Variants in ZBTB49 observed in about 807,000 individuals in gnomAD.
The protein encoded by ZBTB49 is zinc finger and BTB domain containing 49.
In ZBTB49, 43 loss-of-function variants were observed where a neutral mutation model predicts 57.5. The observed-to-expected ratio is 0.75, with a 90% CI of 0.59 to 0.97. ZBTB49 has a LOEUF of 0.97. ZBTB49 is among the 50% of genes least tolerant of loss of function. ZBTB49 has a pLI of 0.00. For missense variants in ZBTB49, 938 were observed against 947.7 expected (o/e 0.99, Z 0.13); for synonymous variants, 369 against 362.1 (o/e 1.02, Z -0.22).
In ZBTB49 at chr4:4,317,485, C is replaced by G. The variant is rs555026138; in HGVS notation, c.1621+1515C>G. ...GAAGCCTTATACCCATTAGCAACCC[C>G]CTTCCCAGCCCTGGCCCCTGGCTGC... On this transcript the variant is annotated intron_variant, in intron 7 of 7. Transcript: ENST00000337872. Among the ~76,000 whole-genome samples the G allele has an allele frequency of 7.2e-5, 11 of 152,138 alleles. No homozygotes were observed. The South Asian group carries it at 1.5e-3, about 20-fold the overall frequency.
chr4:4,307,585 T>G (rs1720793485), intron 4 of ZBTB49, among the ~76,000 whole-genome samples: 1 of 152,118 alleles, frequency 6.6e-6, no homozygotes, highest in South Asian at 2.1e-4. Context: ...TAGTAAGCGC[T>G]CAAGAAACGC....
chr4:4,313,152 A>C, intron 5 of ZBTB49, 38 bp downstream of exon 5: 1 of 1,611,078 alleles, frequency 6.2e-7, no homozygotes, highest in East Asian at 2.2e-5. Context: ...GGAAGGGAGC[A>C]TGTCTAGTCT....
At chr4:4,312,822 AC>A (rs1721030087) in intron 4 of ZBTB49, among the ~76,000 whole-genome samples, 1 of 152,156 alleles carries the variant, frequency 6.6e-6, no homozygotes, top group Non-Finnish European at 1.5e-5. Context: ...CACATGGAGG[AC>A]GGGGTGGAGA....
rs1320570197 is a variant in ZBTB49 at position 4,318,273 on chromosome 4, C to T, written c.1621+2303C>T. 3.9e-5 allele frequency among the ~76,000 whole-genome samples: 6 copies of T among 152,184 alleles called. No homozygotes were observed. The East Asian group carries it at 1.2e-3, about 29-fold the overall frequency. ...CTAAAAGTGGTTGTCCCATCTTGTTCAGTAATTCAACTATTGAGAATTTAT... is the reference window on the plus strand; with the variant it reads ...CTAAAAGTGGTTGTCCCATCTTGTTTAGTAATTCAACTATTGAGAATTTAT... On this transcript the variant is annotated intron_variant, in intron 7 of 7. Coordinates refer to ENST00000337872, the MANE Select transcript of ZBTB49 (RefSeq NM_145291.4).
At chr4:4,318,340 G>C (rs1269276024) in intron 7 of ZBTB49, among the ~76,000 whole-genome samples, 47 of 152,214 alleles carry the variant, frequency 3.1e-4, no homozygotes, top group Non-Finnish European at 1.0e-4. Flanking sequence ...ACTTGGCCAG[G>C]TGTGGTGGCT....
chr4:4,317,377 A>G (rs1377737867), intron 7 of ZBTB49, among the ~76,000 whole-genome samples: 1 of 152,200 alleles, frequency 6.6e-6, no homozygotes, highest in African/African-American at 2.4e-5. Context: ...TAAAGTGAAC[A>G]ATTCATTGGT....
At chr4:4,312,109 T>C (rs1461801158) in intron 4 of ZBTB49, among the ~76,000 whole-genome samples, 1 of 152,262 alleles carries the variant, frequency 6.6e-6, no homozygotes, top group Non-Finnish European at 1.5e-5. Context: ...ATCTTGTGCA[T>C]GACACCTGCT....
rs138575450 is a variant in ZBTB49 at position 4,304,194 on chromosome 4, C to T, written c.1255+1103C>T. Among the ~76,000 whole-genome samples, 261 of 151,772 alleles carry T rather than the reference C, an allele frequency of 1.7e-3. 2 individuals carry two copies. Among genetic ancestry groups the T allele is most frequent in the Non-Finnish European group, 3.0e-3 (203 of 67,958 alleles). ...AAAAACTTTAGATGATTCTGTTTGC[C>T]TAAATCTCCTACAGCCTAATGATTA... On this transcript the variant is annotated intron_variant, in intron 3 of 7. Coordinates refer to ENST00000337872, the MANE Select transcript of ZBTB49 (RefSeq NM_145291.4).
In ZBTB49 at chr4:4,299,984, GCAACT is replaced by G; in HGVS notation, c.40_44del (p.Gln14AlafsTer2). ...CTACCCACAGCTGCCATCTGCTCCA[GCAACT>G]GCATGAGCAGCGAATCCAAGGCCTG... On this transcript the variant is annotated frameshift_variant, in exon 2 of 8. Coordinates refer to ENST00000337872, the MANE Select transcript of ZBTB49 (RefSeq NM_145291.4). LOFTEE classifies it high-confidence loss of function. The G allele has an allele frequency of 6.2e-7, 1 of 1,614,208 alleles. No homozygotes were observed. The highest frequency in any genetic ancestry group is 8.5e-7 in the Non-Finnish European group (1 of 1,180,042).
intron 7 of ZBTB49, among the ~76,000 whole-genome samples, chr4:4,317,195 G>A (rs963091670): frequency 1.3e-5 from 2 of 151,134 alleles, no homozygotes; most frequent in African/African-American, 4.9e-5. Flanking sequence ...CGTCCCCTCT[G>A]CCCCACTTTG....
chr4:4,292,607 C>A (rs1392759560), intron 1 of ZBTB49, among the ~76,000 whole-genome samples: 1 of 152,160 alleles, frequency 6.6e-6, no homozygotes, highest in African/African-American at 2.4e-5. Context: ...AGACAAGATT[C>A]CAGGTTTGTT....
intron 4 of ZBTB49, among the ~76,000 whole-genome samples, chr4:4,307,260 C>T (rs1720777812): frequency 6.6e-6 from 1 of 152,174 alleles, no homozygotes; most frequent in South Asian, 2.1e-4. Flanking sequence ...GAACACCCAG[C>T]AGCCAGCAGA....
At chr4:4,307,590 A>G (rs527888305) in intron 4 of ZBTB49, among the ~76,000 whole-genome samples, 157 of 152,304 alleles carry the variant, frequency 1.0e-3, no homozygotes, top group African/African-American at 3.7e-3. Context: ...AGCGCTCAAG[A>G]AACGCCAGCA....
intron 1 of ZBTB49, among the ~76,000 whole-genome samples, chr4:4,294,555 G>A (rs746218485): frequency 3.9e-4 from 60 of 151,988 alleles, no homozygotes; most frequent in Non-Finnish European, 6.8e-4. Flanking sequence ...TGGTTTCTTC[G>A]TGTTGGCTAG....
chr4:4,314,022 G>A (rs528951533), intron 5 of ZBTB49, among the ~76,000 whole-genome samples: 1 of 152,350 alleles, frequency 6.6e-6, no homozygotes, highest in South Asian at 2.1e-4. Context: ...CACGGGGTCA[G>A]TTAGAAGTCA....
In ZBTB49 at chr4:4,316,132, A is replaced by G. The variant is rs372647140; in HGVS notation, c.1621+162A>G. Among the ~76,000 whole-genome samples, 5 of 152,142 alleles carry G rather than the reference A, an allele frequency of 3.3e-5. No homozygotes were observed. In the East Asian group the frequency reaches 9.7e-4, roughly 29 times the overall value. ...TCATTCATTCCTGCATTTGTGTGTC[A>G]GGCATTTGCTGCTTGTCTTTGAGGT... On this transcript the variant is annotated intron_variant, in intron 7 of 7. Transcript: ENST00000337872.
In ZBTB49 at chr4:4,313,771, T is replaced by C. The variant is rs184438815; in HGVS notation, c.1376+657T>C. On this transcript the variant is annotated intron_variant, in intron 5 of 7. Transcript: ENST00000337872. Reference sequence around the variant, plus strand: ...TGGGCTGTACGTCAATCAGGCCACGTACTCCATCATCTGGTGGTTGTGCCA... The same window carrying C: ...TGGGCTGTACGTCAATCAGGCCACGCACTCCATCATCTGGTGGTTGTGCCA... Among the ~76,000 whole-genome samples, 513 of 152,366 alleles carry C rather than the reference T, an allele frequency of 3.4e-3. 2 individuals carry two copies. The highest frequency in any genetic ancestry group is 0.011 in the African/African-American group (468 of 41,586).
At chr4:4,296,344 A>T (rs963914129) in intron 1 of ZBTB49, among the ~76,000 whole-genome samples, 1 of 152,228 alleles carries the variant, frequency 6.6e-6, no homozygotes, top group African/African-American at 2.4e-5. Context: ...TTTGAATTGT[A>T]ACTCCCACAA....
intron 3 of ZBTB49, among the ~76,000 whole-genome samples, chr4:4,303,846 C>G (rs1278518736): frequency 3.3e-5 from 5 of 151,086 alleles, no homozygotes; most frequent in Non-Finnish European, 7.4e-5. Context: ...ACTTTTCTTC[C>G]TATAATTAAA....
Sources: allele counts gnomAD v4.1 joint callset (sites outside exome capture counted in the v4.1 genomes callset), GRCh38; gene constraint gnomAD v4.1.1; transcripts MANE v1.5; gene names NCBI Gene and HGNC (gene_info 2026-07-23, HGNC 2026-07-21).